Variants in GALNT13 observed in about 807,000 individuals in gnomAD.
GALNT13 encodes the protein polypeptide N-acetylgalactosaminyltransferase 13, also known as UDP-GalNAc:polypeptide N-acetylgalactosaminyltransferase 13.
In GALNT13, 28 loss-of-function variants were observed where a neutral mutation model predicts 64.2. That is an observed-to-expected ratio of 0.44 (90% CI 0.32 to 0.60). GALNT13 has a LOEUF of 0.60. GALNT13 is among the 20% of genes least tolerant of loss of function. The pLI is 0.05. For synonymous variants in GALNT13, 214 were observed against 224.6 expected (o/e 0.95, Z 0.42); for missense variants, 577 against 669.8 (o/e 0.86, Z 1.53).
At chr2:153,956,451 TC>T (rs751811257) in intron 3 of GALNT13, among the ~76,000 whole-genome samples, 1 of 152,228 alleles carries the variant, frequency 6.6e-6, no homozygotes, top group Non-Finnish European at 1.5e-5. Context: ...TACTAACTTT[TC>T]AAGACTTATG....
intron 9 of GALNT13, among the ~76,000 whole-genome samples, chr2:154,315,624 G>A (rs1694278768): frequency 6.6e-6 from 1 of 152,162 alleles, no homozygotes; most frequent in African/African-American, 2.4e-5. Flanking sequence ...CCTCAGTGTG[G>A]TAGGTACTAA....
At chr2:153,535,776 G>A in the GALNT13 span, among the ~76,000 whole-genome samples, 2 of 152,106 alleles carry the variant, frequency 1.3e-5, no homozygotes, top group Non-Finnish European at 2.9e-5. Context: ...GGACCATAAG[G>A]CATATAAAGG....
At chr2:153,621,295 A>G in the GALNT13 span, among the ~76,000 whole-genome samples, 1 of 152,178 alleles carries the variant, frequency 6.6e-6, no homozygotes, top group African/African-American at 2.4e-5. Flanking sequence ...AATACTCACC[A>G]GTTTGGGACT....
chr2:154,319,845 G>A (rs1261324818), intron 9 of GALNT13, among the ~76,000 whole-genome samples: 31 of 151,868 alleles, frequency 2.0e-4, no homozygotes. Context: ...TTTGTTTGTA[G>A]TAGTTATTTT....
the GALNT13 span, among the ~76,000 whole-genome samples, chr2:153,862,835 C>A: frequency 6.6e-6 from 1 of 151,888 alleles, no homozygotes; most frequent in Non-Finnish European, 1.5e-5. Context: ...ATGTTATATG[C>A]TTATATTTAA....
chr2:153,780,003 A>G, the GALNT13 span, among the ~76,000 whole-genome samples: 2 of 151,786 alleles, frequency 1.3e-5, no homozygotes, highest in African/African-American at 4.8e-5. Flanking sequence ...TTCTGACACC[A>G]TGCATGATTC....
At chr2:153,806,769 G>A in the GALNT13 span, among the ~76,000 whole-genome samples, 2 of 151,886 alleles carry the variant, frequency 1.3e-5, no homozygotes, top group East Asian at 3.9e-4. Flanking sequence ...AATGCTGTAG[G>A]CCAAATGATT....
intron 3 of GALNT13, among the ~76,000 whole-genome samples, chr2:153,950,065 G>T (rs1207181489): frequency 1.7e-5 from 1 of 59,254 alleles, no homozygotes; most frequent in Non-Finnish European, 3.5e-5. Context: ...AAAAATTACT[G>T]CAAAAAAATT....
At chr2:154,149,277 A>C (rs1683823810) in intron 4 of GALNT13, among the ~76,000 whole-genome samples, 1 of 152,080 alleles carries the variant, frequency 6.6e-6, no homozygotes, top group African/African-American at 2.4e-5. Context: ...GTTCTATTCC[A>C]TTGATCTATA....
At chr2:153,269,760 G>A in the GALNT13 span, among the ~76,000 whole-genome samples, 8,380 of 152,154 alleles carry the variant, frequency 0.055, 825 homozygotes, top group African/African-American at 0.19. Flanking sequence ...CAGGGGGCCT[G>A]AGGAAACTTA....
chr2:154,224,055 C>T (rs1027714948), intron 4 of GALNT13, among the ~76,000 whole-genome samples: 21 of 151,884 alleles, frequency 1.4e-4, no homozygotes, highest in East Asian at 1.9e-4. Flanking sequence ...ATTTGTATAG[C>T]GTATGTGTGT....
chr2:154,435,630 G>A lies in GALNT13; in HGVS notation c.1396-2962G>A, dbSNP rs1700928815. Among the ~76,000 whole-genome samples, 3 of 152,158 alleles carry A rather than the reference G, an allele frequency of 2.0e-5. No individual in the cohort carries two copies. The South Asian group carries it at 6.2e-4, about 32-fold the overall frequency. On this transcript the variant is annotated intron_variant, in intron 11 of 12. Transcript: ENST00000392825. ...AACTCTCTCTCGGGACTTGTGTAGT[G>A]GCCAAGGGTCAGCACAGACAGGCAA... is the stretch of plus-strand genomic sequence containing the variant.
chr2:153,423,142 A>C, the GALNT13 span, among the ~76,000 whole-genome samples: 6 of 151,946 alleles, frequency 3.9e-5, no homozygotes. Flanking sequence ...AACAAAGAAA[A>C]ACATGCACAT....
At chr2:153,270,268 G>C in the GALNT13 span, among the ~76,000 whole-genome samples, 1 of 151,830 alleles carries the variant, frequency 6.6e-6, no homozygotes, top group African/African-American at 2.4e-5. Flanking sequence ...AGGTACTAAA[G>C]AGTTCATGGT....
At chr2:153,983,828 C>G (rs1187465281) in intron 3 of GALNT13, among the ~76,000 whole-genome samples, 1 of 151,908 alleles carries the variant, frequency 6.6e-6, no homozygotes. Context: ...TTGTGCCATA[C>G]TGGCATTTTC....
the GALNT13 span, among the ~76,000 whole-genome samples, chr2:153,819,433 G>A: frequency 1.3e-5 from 2 of 152,170 alleles, no homozygotes; most frequent in Admixed American, 6.5e-5. Context: ...GGGAACCAGT[G>A]CAGCTCCCTC....
At chr2:153,366,962 G>A in the GALNT13 span, among the ~76,000 whole-genome samples, 2 of 149,576 alleles carry the variant, frequency 1.3e-5, no homozygotes, top group African/African-American at 4.9e-5. Context: ...TACCAAACCA[G>A]AATTTTATAC....
intron 9 of GALNT13, among the ~76,000 whole-genome samples, chr2:154,387,524 G>A (rs930947261): frequency 3.2e-5 from 4 of 123,446 alleles, no homozygotes; most frequent in East Asian, 2.1e-4. Flanking sequence ...ATCCCAAAAC[G>A]TGTTTCTCCT....
At position 153,897,285 on chromosome 2, in the gene GALNT13, A is replaced by G. The variant is rs929170987; in HGVS notation, c.-176-3651A>G. The stretch of plus-strand genomic sequence containing the variant: ...TATCATTAAAAGTCCTTTTATCTGG[A>G]ACATTTCCTCAGTCTAATTACTTGG... On this transcript the variant is annotated intron_variant, in intron 1 of 12. Coordinates refer to ENST00000392825, the MANE Select transcript of GALNT13 (RefSeq NM_052917.4). Among the ~76,000 whole-genome samples, 11 of 152,216 alleles carry G rather than the reference A, an allele frequency of 7.2e-5. No individual in the cohort carries two copies. In the South Asian group the frequency reaches 1.0e-3, roughly 14 times the overall value.
Sources: allele counts gnomAD v4.1 joint callset (sites outside exome capture counted in the v4.1 genomes callset), GRCh38; gene constraint gnomAD v4.1.1; transcripts MANE v1.5; gene names NCBI Gene and HGNC (gene_info 2026-07-23, HGNC 2026-07-21).